Variants in TENM3 observed in about 807,000 individuals in gnomAD.
TENM3 encodes teneurin-3.
Under a neutral mutation model 255.1 loss-of-function variants are expected in TENM3, and 63 were observed. The ratio of observed to expected loss-of-function variants is 0.25; its 90% CI spans 0.20 to 0.30. The LOEUF is 0.30. Ranked by LOEUF, TENM3 falls within the 10% of genes least tolerant of loss-of-function variation. TENM3 has a pLI of 1.00. For missense variants in TENM3, 2,929 were observed against 3,461.1 expected (o/e 0.85, Z 3.86); for synonymous variants, 1,306 against 1,322.3 (o/e 0.99, Z 0.27).
intron 3 of TENM3, among the ~76,000 whole-genome samples, chr4:182,379,826 C>T (rs1362249790): frequency 6.6e-6 from 1 of 152,128 alleles, no homozygotes; most frequent in Non-Finnish European, 1.5e-5. Context: ...ATTTCCATTT[C>T]CTCGTCAATC....
At chr4:182,104,503 C>CTTTTT in the TENM3 span, among the ~76,000 whole-genome samples, 2 of 66,138 alleles carry the variant, frequency 3.0e-5, no homozygotes, top group Admixed American at 1.9e-4. Flanking sequence ...ACTGTTGACT[C>CTTTTT]TTTTTTTTTT....
the TENM3 span, among the ~76,000 whole-genome samples, chr4:181,970,129 A>G: frequency 6.6e-6 from 1 of 152,232 alleles, no homozygotes; most frequent in Non-Finnish European, 1.5e-5. Context: ...TTTATTGTAA[A>G]AGCTAAATAG....
At chr4:182,134,012 A>C in the TENM3 span, among the ~76,000 whole-genome samples, 1 of 152,070 alleles carries the variant, frequency 6.6e-6, no homozygotes, top group African/African-American at 2.4e-5. Context: ...TATGTTCTCA[A>C]GAACCCTCAG....
chr4:182,693,028 T>C (rs1470316382), intron 12 of TENM3, among the ~76,000 whole-genome samples: 1 of 152,192 alleles, frequency 6.6e-6, no homozygotes, highest in Non-Finnish European at 1.5e-5. Flanking sequence ...TTTATCTCTA[T>C]GTCATTTAAC....
At chr4:181,577,862 C>A in the TENM3 span, among the ~76,000 whole-genome samples, 5 of 152,220 alleles carry the variant, frequency 3.3e-5, no homozygotes, top group African/African-American at 1.2e-4. Context: ...TTTAAGAATT[C>A]TAACTTTTTA....
the TENM3 span, among the ~76,000 whole-genome samples, chr4:181,652,003 C>CA: frequency 6.6e-6 from 1 of 152,176 alleles, no homozygotes; most frequent in East Asian, 1.9e-4. Flanking sequence ...ATGTGCATCT[C>CA]ATACTTGTGC....
At chr4:181,787,806 G>A in the TENM3 span, among the ~76,000 whole-genome samples, 28 of 152,060 alleles carry the variant, frequency 1.8e-4, no homozygotes, top group African/African-American at 5.1e-4. Flanking sequence ...TCCATGTGTT[G>A]ATTTGTCTTT....
the TENM3 span, among the ~76,000 whole-genome samples, chr4:181,481,643 G>A: frequency 6.6e-6 from 1 of 152,102 alleles, no homozygotes; most frequent in Non-Finnish European, 1.5e-5. Flanking sequence ...TAACAATCTA[G>A]CCAGGCTGGC....
chr4:182,009,867 A>G, the TENM3 span, among the ~76,000 whole-genome samples: 1 of 152,318 alleles, frequency 6.6e-6, no homozygotes, highest in South Asian at 2.1e-4. Flanking sequence ...CTATCCGTGG[A>G]TTACACAGTT....
At chr4:181,497,140 A>G in the TENM3 span, among the ~76,000 whole-genome samples, 1 of 152,188 alleles carries the variant, frequency 6.6e-6, no homozygotes, top group Non-Finnish European at 1.5e-5. Context: ...ACAGCATCCC[A>G]TAGATAGACA....
At chr4:182,045,297 T>C in the TENM3 span, among the ~76,000 whole-genome samples, 1 of 151,838 alleles carries the variant, frequency 6.6e-6, no homozygotes, top group East Asian at 1.9e-4. Flanking sequence ...CAAGGAAGCG[T>C]TCAGGCTGAT....
the TENM3 span, among the ~76,000 whole-genome samples, chr4:181,471,410 A>C: frequency 2.0e-5 from 3 of 152,224 alleles, no homozygotes; most frequent in Admixed American, 1.3e-4. Flanking sequence ...GCAGCAGTCT[A>C]TAAGAAGACT....
At chr4:182,245,871 G>C (rs973374519) in intron 1 of TENM3, among the ~76,000 whole-genome samples, 1 of 152,216 alleles carries the variant, frequency 6.6e-6, no homozygotes, top group Non-Finnish European at 1.5e-5. Flanking sequence ...TGATTTTACA[G>C]ATTTGTGTTA....
intron 1 of TENM3, among the ~76,000 whole-genome samples, chr4:182,170,596 A>C (rs1256683385): frequency 3.5e-5 from 5 of 141,448 alleles, no homozygotes; most frequent in Non-Finnish European, 7.7e-5. Context: ...TGATGTAATA[A>C]AATTTAATTA....
At chr4:182,361,568 C>T (rs1294054701) in intron 3 of TENM3, among the ~76,000 whole-genome samples, 7 of 152,246 alleles carry the variant, frequency 4.6e-5, no homozygotes, top group Non-Finnish European at 8.8e-5. Context: ...CTTTCAGCTC[C>T]ATCAGCTCCT....
the TENM3 span, among the ~76,000 whole-genome samples, chr4:181,560,685 G>A: frequency 6.6e-6 from 1 of 152,120 alleles, no homozygotes; most frequent in South Asian, 2.1e-4. Context: ...CAGCACAACT[G>A]ACCTACCTCA....
chr4:181,988,866 C>T, the TENM3 span, among the ~76,000 whole-genome samples: 5 of 151,860 alleles, frequency 3.3e-5, no homozygotes, highest in Admixed American at 6.6e-5. Flanking sequence ...GCCAGAGACA[C>T]CTCTCCCTGC....
At chr4:182,510,619 A>G (rs922566454) in intron 3 of TENM3, among the ~76,000 whole-genome samples, 16 of 152,076 alleles carry the variant, frequency 1.1e-4, no homozygotes, top group Non-Finnish European at 1.9e-4. Context: ...ACATTTCCCT[A>G]TTTGTCCTTA....
intron 6 of TENM3, among the ~76,000 whole-genome samples, chr4:182,664,129 G>T (rs985745583): frequency 6.6e-6 from 1 of 152,138 alleles, no homozygotes; most frequent in African/African-American, 2.4e-5. Flanking sequence ...CAGATACCGT[G>T]TTTTTTACAA....
Sources: allele counts gnomAD v4.1 joint callset (sites outside exome capture counted in the v4.1 genomes callset), GRCh38; gene constraint gnomAD v4.1.1; transcripts MANE v1.5; gene names NCBI Gene and HGNC (gene_info 2026-07-23, HGNC 2026-07-21).